HNRNPA2B1: variants seen among roughly 807,000 people sequenced by gnomAD.
The protein encoded by HNRNPA2B1 is heterogeneous nuclear ribonucleoproteins A2/B1.
In HNRNPA2B1, 3 loss-of-function variants were observed where a neutral mutation model predicts 46.3. The observed-to-expected ratio is 0.06, with a 90% confidence interval of 0.03 to 0.17. HNRNPA2B1 has a LOEUF of 0.17. Ranked by LOEUF, HNRNPA2B1 falls within the 10% of genes least tolerant of loss-of-function variation. The pLI is 1.00. For synonymous variants in HNRNPA2B1, 225 were observed against 133.8 expected (o/e 1.68, Z -4.70); for missense variants, 221 against 418.9 (o/e 0.53, Z 4.12).
At chr7:26,194,802 A>T (rs534423801) in intron 7 of HNRNPA2B1, among the ~76,000 whole-genome samples, 307 of 151,822 alleles carry the variant, frequency 2.0e-3, no homozygotes, top group Middle Eastern at 3.4e-3. Context: ...CAAAAATAAA[A>T]AAAAAAAAAA....
chr7:26,195,320 T>C (rs1050807271), intron 7 of HNRNPA2B1, among the ~76,000 whole-genome samples: 2 of 152,200 alleles, frequency 1.3e-5, no homozygotes, highest in South Asian at 2.1e-4. Flanking sequence ...TCTGTCAGTG[T>C]GTATCAGCCT....
intron 1 of HNRNPA2B1, chr7:26,198,694 T>TA (rs1340849834): frequency 6.6e-6 from 1 of 152,260 alleles, no homozygotes; most frequent in Non-Finnish European, 1.5e-5. Flanking sequence ...TTATGAATGT[T>TA]AAGGAAACCT....
chr7:26,194,670 G>T (rs1196687736), intron 7 of HNRNPA2B1, among the ~76,000 whole-genome samples: 1 of 151,622 alleles, frequency 6.6e-6, no homozygotes, highest in Non-Finnish European at 1.5e-5. Context: ...TCCAGTCTGA[G>T]CAACAAAGCC....
chr7:26,196,801 A>G lies in HNRNPA2B1; in HGVS notation c.475+6T>C, dbSNP rs1783699263. ...AAAAACAGTACATTTGTGGTTAGACACTTACATACGATTTTATCCACAGGA... is the reference window on the plus strand; with the variant it reads ...AAAAACAGTACATTTGTGGTTAGACGCTTACATACGATTTTATCCACAGGA... On this transcript the variant is annotated splice_donor_region_variant and intron_variant, in intron 4 of 10. Transcript: ENST00000618183. The G allele has an allele frequency of 2.5e-6, 4 of 1,611,470 alleles. No individual in the cohort carries two copies. Among genetic ancestry groups the G allele is most frequent in the Non-Finnish European group, 3.4e-6 (4 of 1,178,060 alleles).
chr7:26,196,051 A>G (rs1195954591), intron 6 of HNRNPA2B1, 142 bp from the exon 7 acceptor site: 2 of 1,202,152 alleles, frequency 1.7e-6, no homozygotes, highest in East Asian at 2.7e-5. Context: ...GTTTACCCAC[A>G]AAACATGAAA....
At position 26,196,510 on chromosome 7, in the gene HNRNPA2B1, G is replaced by A. The variant is rs751151694; in HGVS notation, c.578-29C>T. ...CAATAAATGCCCCAGTTAGAAGCAA[G>A]CCCTTATATATGAACAAAAATAAAG... On this transcript the variant is annotated intron_variant, in intron 5 of 10. Coordinates refer to ENST00000618183, the MANE Select transcript of HNRNPA2B1 (RefSeq NM_002137.4). 57 of 1,613,278 alleles carry A rather than the reference G, an allele frequency of 3.5e-5. No homozygotes were observed. The East Asian group carries it at 1.0e-3, about 29-fold the overall frequency.
chr7:26,197,895 A>C, intron 1 of HNRNPA2B1, 163 bp from the exon 2 acceptor site: 1 of 1,552,608 alleles, frequency 6.4e-7, no homozygotes, highest in Non-Finnish European at 8.7e-7. Context: ...CTTACATCAA[A>C]TTTAAACCAT....
Position 26,190,269 on chromosome 7 carries a change from T to G in HNRNPA2B1, c.*2091A>C, listed in dbSNP as rs991469056. The G allele has an allele frequency of 6.5e-6, 1 of 152,694 alleles. No homozygotes were observed. 9.5% of individuals were successfully genotyped at this position (152,694 alleles called of 1,614,324 possible). A position where few individuals can be genotyped will look rare whatever the true frequency, so the allele number is the denominator to read the frequency against. The stretch of plus-strand genomic sequence containing the variant: ...ACTGTTTTACAAACAACACTCATTT[T>G]GTAATTGTTTTATATCAAGAACCTC... On this transcript the variant is annotated 3_prime_UTR_variant, in exon 11 of 11. Transcript: ENST00000618183.
rs996494033 is a variant in HNRNPA2B1, at chr7:26,196,895, A to T, written c.387T>A (p.Ile129=). 2.5e-6 allele frequency: 4 copies of T among 1,612,272 alleles called. No individual in the cohort carries two copies. Among genetic ancestry groups the T allele is most frequent in the Non-Finnish European group, 3.4e-6 (4 of 1,178,484 alleles). ...CAGACTGCCTATCAGTAATTATCTCAATGGTATCAATTTTTCCATATTCCT... is the reference window on the plus strand; with the variant it reads ...CAGACTGCCTATCAGTAATTATCTCTATGGTATCAATTTTTCCATATTCCT... The part of the protein sequence containing the change: ...YFEEYGKIDT[I]EIITDRQSGK... Residue 129 remains isoleucine (I), a synonymous_variant, in exon 4 of 11, where the codon ATT becomes ATA. Transcript: ENST00000618183.
Position 26,197,700 on chromosome 7 carries a change from A to G in HNRNPA2B1, c.39T>C (p.Ile13=). 1 of 1,613,978 alleles carries G rather than the reference A, an allele frequency of 6.2e-7. No homozygotes were observed. Among genetic ancestry groups the G allele is most frequent in the Admixed American group, 1.7e-5 (1 of 60,018 alleles). ...REKEQFRKLF[I]GGLSFETTEE... is the part of the protein sequence containing the mutation. ...CTGTGGTTTCAAAGCTTAAGCCACC[A>G]ATAAAGAGCTTACGGAACTGTTCCT... Residue 13 remains isoleucine (I), a synonymous_variant, in exon 2 of 11, where the codon ATT becomes ATC. Coordinates refer to ENST00000618183, the MANE Select transcript of HNRNPA2B1 (RefSeq NM_002137.4).
intron 6 of HNRNPA2B1, 123 bp downstream of exon 6, chr7:26,196,278 A>G (rs1783625011): frequency 1.3e-6 from 1 of 759,378 alleles, no homozygotes. Context: ...GCCAGGATAC[A>G]ATCTATTTGA....
At chr7:26,196,020 A>G in intron 6 of HNRNPA2B1, 111 bp from the exon 7 acceptor site, 1 of 1,401,682 alleles carries the variant, frequency 7.1e-7, no homozygotes, top group African/African-American at 1.5e-5. Context: ...AACCGCAGAA[A>G]AGGACACACC....
rs1782968373 is a variant in HNRNPA2B1, at chr7:26,192,042, G to A, written c.*318C>T. The A allele has an allele frequency of 6.5e-6, 1 of 152,688 alleles. No individual in the cohort carries two copies. Among genetic ancestry groups the A allele is most frequent in the South Asian group, 2.1e-4 (1 of 4,848 alleles). The allele number at this position is 152,688 out of a possible 1,614,324, so 9.5% of individuals were successfully genotyped here. A position where few individuals can be genotyped will look rare whatever the true frequency, so the allele number is the denominator to read the frequency against. On this transcript the variant is annotated 3_prime_UTR_variant, in exon 11 of 11. Transcript: ENST00000618183. ...AACTTACAAATTTAACATTATCAAA[G>A]AAGGAATGCTTCTACACTCTTACAA...
Position 26,197,383 on chromosome 7 carries a change from C to A in HNRNPA2B1, c.196G>T (p.Ala66Ser), listed in dbSNP as rs757696101. ...ATTGAATGAGGTCTTGCAGCCATGGCAGCATCAACCTCAGCCATGGATGAA... is the reference window on the plus strand; with the variant it reads ...ATTGAATGAGGTCTTGCAGCCATGGAAGCATCAACCTCAGCCATGGATGAA... Reference protein sequence around the residue: ...TFSSMAEVDAAMAARPHSIDG... With the variant: ...TFSSMAEVDASMAARPHSIDG... The change falls in exon 3 of 11, where the codon GCC becomes TCC. Residue 66 changes from alanine to serine, a missense_variant. By Grantham distance (99) the Ala-to-Ser change is moderately conservative (BLOSUM62 1). Transcript: ENST00000618183. 1.2e-6 allele frequency: 2 copies of A among 1,614,004 alleles called. No homozygotes were observed. Among genetic ancestry groups the A allele is most frequent in the East Asian group, 2.2e-5 (1 of 44,882 alleles).
intron 9 of HNRNPA2B1, 91 bp downstream of exon 9, chr7:26,193,160 A>C (rs1583967864): frequency 1.5e-6 from 2 of 1,309,890 alleles, no homozygotes; most frequent in East Asian, 2.3e-5. Flanking sequence ...CCCACAGTAC[A>C]AACTACTTAG....
chr7:26,193,830 A>ATAGTTATT, intron 7 of HNRNPA2B1, 136 bp from the exon 8 acceptor site: 1 of 764,150 alleles, frequency 1.3e-6, no homozygotes, highest in Non-Finnish European at 2.1e-6. Context: ...AGCTTCAAGG[A>ATAGTTATT]CTGAATAACT....
chr7:26,198,844 T>A (rs1783995535), intron 1 of HNRNPA2B1: 1 of 152,372 alleles, frequency 6.6e-6, no homozygotes, highest in East Asian at 1.9e-4. Flanking sequence ...CAAGCAGCAT[T>A]AATTGCTGCT....
At chr7:26,199,776 C>G (rs944815156) in intron 1 of HNRNPA2B1, 3 of 152,136 alleles carry the variant, frequency 2.0e-5, no homozygotes, top group Non-Finnish European at 4.4e-5. Context: ...ACAGGAAAAA[C>G]ATAAAATGGT....
intron 7 of HNRNPA2B1, 113 bp downstream of exon 7, chr7:26,195,734 A>AT: frequency 8.2e-7 from 1 of 1,217,524 alleles, no homozygotes; most frequent in South Asian, 1.5e-5. Context: ...CACCCAAGCC[A>AT]TTTATAGACA....
Sources: allele counts gnomAD v4.1 joint callset (sites outside exome capture counted in the v4.1 genomes callset), GRCh38; gene constraint gnomAD v4.1.1; transcripts MANE v1.5; gene names NCBI Gene and HGNC (gene_info 2026-07-23, HGNC 2026-07-21).